Variants in FGF12 observed in about 807,000 individuals in gnomAD.
The protein encoded by FGF12 is fibroblast growth factor 12B.
A neutral mutation model predicts 23.6 loss-of-function variants in FGF12; 14 were observed. The observed-to-expected ratio is 0.59, with a 90% CI of 0.39 to 0.93. FGF12 has a LOEUF of 0.93. Ranked by LOEUF, FGF12 falls within the 40% of genes least tolerant of loss-of-function variation. The probability of loss-of-function intolerance (pLI) is 0.00; values close to 1 mark genes in which losing one functional copy is unlikely to be tolerated. For synonymous variants in FGF12, 62 were observed against 77.3 expected, an observed-to-expected ratio of 0.80 and a Z score of 1.04; for missense variants, 175 against 217.8, an observed-to-expected ratio of 0.80 and a Z score of 1.24.
chr3:192,640,730 T>G (rs921928637), intron 2 of FGF12, among the ~76,000 whole-genome samples: 2 of 152,254 alleles, frequency 1.3e-5, no homozygotes, highest in Admixed American at 1.3e-4. Context: ...TGGCAAATTG[T>G]GACCCATGGG....
intron 3 of FGF12, among the ~76,000 whole-genome samples, chr3:192,351,052 C>T (rs1718197104): frequency 6.6e-6 from 1 of 152,172 alleles, no homozygotes; most frequent in African/African-American, 2.4e-5. Flanking sequence ...GAATTCACTA[C>T]TGTGTTCCAA....
chr3:192,352,084 T>A (rs1718247810), intron 3 of FGF12, among the ~76,000 whole-genome samples: 1 of 152,162 alleles, frequency 6.6e-6, no homozygotes, highest in African/African-American at 2.4e-5. Flanking sequence ...TTTGATCATA[T>A]ATCTGTCCAG....
chr3:192,418,294 T>C (rs1576967461), intron 2 of FGF12, among the ~76,000 whole-genome samples: 1 of 152,096 alleles, frequency 6.6e-6, no homozygotes, highest in South Asian at 2.1e-4. Flanking sequence ...ACAAACATAA[T>C]TAATTAGAGT....
chr3:192,398,472 A>G (rs1434245714), intron 2 of FGF12, among the ~76,000 whole-genome samples: 1 of 148,498 alleles, frequency 6.7e-6, no homozygotes, highest in African/African-American at 2.5e-5. Flanking sequence ...TGCAACCTAC[A>G]CCTCCCAGGT....
chr3:192,676,553 T>G (rs1472474770), intron 2 of FGF12, among the ~76,000 whole-genome samples: 1 of 152,208 alleles, frequency 6.6e-6, no homozygotes, highest in East Asian at 1.9e-4. Flanking sequence ...GTTTGTGGGT[T>G]GTACTGTGTC....
intron 2 of FGF12, among the ~76,000 whole-genome samples, chr3:192,455,125 C>G (rs1178447682): frequency 1.3e-5 from 2 of 152,114 alleles, no homozygotes; most frequent in African/African-American, 4.8e-5. Flanking sequence ...TGGGCAATTA[C>G]TTCCTAAAAT....
At chr3:192,342,335 T>A (rs1717731947) in intron 3 of FGF12, among the ~76,000 whole-genome samples, 1 of 152,114 alleles carries the variant, frequency 6.6e-6, no homozygotes. Flanking sequence ...AAAACCTACA[T>A]GGTACAAAGT....
At chr3:192,158,635 T>C in intron 5 of FGF12, among the ~76,000 whole-genome samples, 1 of 9,486 alleles carries the variant, frequency 1.1e-4, no homozygotes, top group Non-Finnish European at 2.2e-4. Context: ...TCTCTCTGTT[T>C]TTTCCCTCCC....
intron 2 of FGF12, among the ~76,000 whole-genome samples, chr3:192,689,014 T>C (rs1428521676): frequency 6.6e-6 from 1 of 152,206 alleles, no homozygotes; most frequent in Non-Finnish European, 1.5e-5. Context: ...CTCACTCATA[T>C]GTGGGAGCTA....
chr3:192,160,616 C>A (rs114972659), intron 5 of FGF12, among the ~76,000 whole-genome samples: 1 of 152,064 alleles, frequency 6.6e-6, no homozygotes, highest in Non-Finnish European at 1.5e-5. Flanking sequence ...TTTTTAATTG[C>A]GTATTTTTTA....
At chr3:192,518,594 A>G (rs1235847147) in intron 2 of FGF12, among the ~76,000 whole-genome samples, 1 of 152,224 alleles carries the variant, frequency 6.6e-6, no homozygotes, top group Non-Finnish European at 1.5e-5. Context: ...ACTTTTATTG[A>G]ATATATCAAT....
At chr3:192,722,671 C>G (rs1719076193) in intron 2 of FGF12, among the ~76,000 whole-genome samples, 2 of 152,152 alleles carry the variant, frequency 1.3e-5, no homozygotes, top group South Asian at 4.2e-4. Flanking sequence ...ATGAAGTTGG[C>G]CTAAAAAAAC....
chr3:192,625,027 G>A (rs1183420761), intron 2 of FGF12, among the ~76,000 whole-genome samples: 1 of 152,058 alleles, frequency 6.6e-6, no homozygotes, highest in Non-Finnish European at 1.5e-5. Flanking sequence ...CACATTAAAA[G>A]CTTTGTTATG....
chr3:192,234,276 T>C (rs979304053), intron 4 of FGF12, among the ~76,000 whole-genome samples: 5 of 152,198 alleles, frequency 3.3e-5, no homozygotes, highest in Non-Finnish European at 7.3e-5. Context: ...CCCTCCCTGG[T>C]TAGCTGTCTT....
At chr3:192,460,541 G>A (rs80252362) in intron 2 of FGF12, among the ~76,000 whole-genome samples, 3,176 of 151,960 alleles carry the variant, frequency 0.021, 138 homozygotes, top group African/African-American at 0.073. Context: ...CAGAGTACAC[G>A]TGCTCTGCAA....
intron 4 of FGF12, among the ~76,000 whole-genome samples, chr3:192,263,902 C>T (rs989839919): frequency 3.3e-5 from 5 of 152,068 alleles, no homozygotes; most frequent in Non-Finnish European, 7.4e-5. Context: ...ATATCTTATT[C>T]TTATTCTTCT....
intron 2 of FGF12, among the ~76,000 whole-genome samples, chr3:192,572,902 C>G (rs746393411): frequency 6.6e-6 from 1 of 151,894 alleles, no homozygotes; most frequent in South Asian, 2.1e-4. Context: ...GTTTTTCCAA[C>G]CGTTAGAATT....
chr3:192,274,677 T>G (rs1425127848), intron 4 of FGF12, among the ~76,000 whole-genome samples: 1 of 152,170 alleles, frequency 6.6e-6, no homozygotes, highest in Non-Finnish European at 1.5e-5. Context: ...TTGAAGCCAA[T>G]AATATGTGAA....
intron 2 of FGF12, among the ~76,000 whole-genome samples, chr3:192,371,287 C>T (rs1719217501): frequency 6.6e-6 from 1 of 152,226 alleles, no homozygotes; most frequent in Admixed American, 6.5e-5. Context: ...AGTCGCGTGG[C>T]AGCACATCTT....
Sources: allele counts gnomAD v4.1 joint callset (sites outside exome capture counted in the v4.1 genomes callset), GRCh38; gene constraint gnomAD v4.1.1; transcripts MANE v1.5; gene names NCBI Gene and HGNC (gene_info 2026-07-23, HGNC 2026-07-21).